FUT9: variants seen among roughly 807,000 people sequenced by gnomAD.
FUT9 encodes the protein 4-galactosyl-N-acetylglucosaminide 3-alpha-L-fucosyltransferase 9.
FUT9 carries 15 observed loss-of-function variants against 29.7 expected under a neutral mutation model. The ratio of observed to expected loss-of-function variants is 0.51; its 90% confidence interval spans 0.34 to 0.78. The LOEUF (loss-of-function observed/expected upper bound fraction) is 0.78. FUT9 is among the 30% of genes least tolerant of loss of function. FUT9 has a pLI of 0.01. For synonymous variants in FUT9, 169 were observed against 153.7 expected (o/e 1.10, Z -0.74); for missense variants, 319 against 425.4 (o/e 0.75, Z 2.20).
chr6:96,205,032 CA>C lies in FUT9; in HGVS notation c.*800del, dbSNP rs1773801831. On this transcript the variant is annotated 3_prime_UTR_variant, in exon 3 of 3. Coordinates refer to ENST00000302103, the MANE Select transcript of FUT9 (RefSeq NM_006581.4). ...GATGACACTCATTGTCATAATAAAACAAATAATTTCCTCAAATAACAAAGAA... is the reference window on the plus strand; with the variant it reads ...GATGACACTCATTGTCATAATAAAACAATAATTTCCTCAAATAACAAAGAA... The C allele has an allele frequency of 1.2e-5, 2 of 165,596 alleles. No homozygotes were observed. 10.3% of individuals were successfully genotyped at this position (165,596 alleles called of 1,614,324 possible). A position where few individuals can be genotyped will look rare whatever the true frequency, so the allele number is the denominator to read the frequency against.
intron 1 of FUT9, among the ~76,000 whole-genome samples, chr6:96,051,010 CTCTGTGTG>C (rs1420045020): frequency 3.4e-5 from 5 of 148,292 alleles, no homozygotes; most frequent in African/African-American, 1.2e-4. Context: ...CTCTCTCTCT[CTCTGTGTG>C]TGTGTGTGTG....
At chr6:96,197,905 A>T (rs1773655560) in intron 2 of FUT9, among the ~76,000 whole-genome samples, 1 of 152,156 alleles carries the variant, frequency 6.6e-6, no homozygotes, top group South Asian at 2.1e-4. Context: ...TTCCATTTAA[A>T]ATAAGGATTC....
At chr6:96,152,223 C>T (rs1772690371) in intron 2 of FUT9, among the ~76,000 whole-genome samples, 1 of 152,206 alleles carries the variant, frequency 6.6e-6, no homozygotes, top group Non-Finnish European at 1.5e-5. Flanking sequence ...TTACCTATTA[C>T]ACGCTGTATA....
At chr6:96,128,044 T>C (rs184594223) in intron 2 of FUT9, among the ~76,000 whole-genome samples, 1 of 152,150 alleles carries the variant, frequency 6.6e-6, no homozygotes, top group East Asian at 1.9e-4. Flanking sequence ...AGATTCCACT[T>C]GTCAATTTTT....
At chr6:96,193,386 G>T (rs1773555903) in intron 2 of FUT9, among the ~76,000 whole-genome samples, 1 of 120,610 alleles carries the variant, frequency 8.3e-6, no homozygotes, top group African/African-American at 2.9e-5. Flanking sequence ...TCAGAAAGTG[G>T]GCGAAGGATG....
intron 1 of FUT9, among the ~76,000 whole-genome samples, chr6:96,104,693 G>A (rs1771646110): frequency 6.6e-6 from 1 of 151,998 alleles, no homozygotes; most frequent in Non-Finnish European, 1.5e-5. Context: ...ATCACGCCCG[G>A]CACATTTTTT....
At chr6:96,086,030 C>T (rs1771311136) in intron 1 of FUT9, among the ~76,000 whole-genome samples, 1 of 152,098 alleles carries the variant, frequency 6.6e-6, no homozygotes, top group Admixed American at 6.6e-5. Context: ...CCACACTAAA[C>T]TAATTTTAAG....
At chr6:96,026,827 A>G (rs2127924371) in intron 1 of FUT9, among the ~76,000 whole-genome samples, 1 of 151,706 alleles carries the variant, frequency 6.6e-6, no homozygotes, top group South Asian at 2.1e-4. Context: ...TATTGGCCTT[A>G]TATATTTATG....
chr6:96,032,270 G>C lies in FUT9; in HGVS notation c.-98+16058G>C, dbSNP rs1770275311. ...TGAGCCTCTTTTTAATGGCTGCTAG[G>C]AAGCTCAGTGTCAACTTTCTATCCC... is the stretch of plus-strand genomic sequence containing the variant. On this transcript the variant is annotated intron_variant, in intron 1 of 2. Transcript: ENST00000302103. Among the ~76,000 whole-genome samples the C allele has an allele frequency of 2.6e-5, 4 of 151,714 alleles. No individual in the cohort carries two copies. The South Asian group carries it at 8.3e-4, about 32-fold the overall frequency.
At chr6:96,137,918 AG>A (rs1166109723) in intron 2 of FUT9, among the ~76,000 whole-genome samples, 1 of 152,090 alleles carries the variant, frequency 6.6e-6, no homozygotes, top group Non-Finnish European at 1.5e-5. Context: ...TTTATTTAAA[AG>A]TTACATATTA....
chr6:96,189,323 C>T (rs1254628807), intron 2 of FUT9, among the ~76,000 whole-genome samples: 1 of 151,694 alleles, frequency 6.6e-6, no homozygotes, highest in Non-Finnish European at 1.5e-5. Flanking sequence ...AAGCTGTGTC[C>T]CCATCATCCA....
chr6:96,175,854 T>C (rs1377270762), intron 2 of FUT9, among the ~76,000 whole-genome samples: 1 of 152,224 alleles, frequency 6.6e-6, no homozygotes, highest in Admixed American at 6.5e-5. Context: ...GCATTGTTTC[T>C]GGGGATGTCT....
chr6:96,024,933 C>G (rs182251730), intron 1 of FUT9, among the ~76,000 whole-genome samples: 2 of 151,848 alleles, frequency 1.3e-5, no homozygotes, highest in East Asian at 3.9e-4. Context: ...GCAGCAAAGT[C>G]CCACTGCAAA....
At chr6:96,180,640 T>C (rs1482707725) in intron 2 of FUT9, among the ~76,000 whole-genome samples, 1 of 152,030 alleles carries the variant, frequency 6.6e-6, no homozygotes, top group East Asian at 1.9e-4. Flanking sequence ...CTCTCCTACC[T>C]CTAGTAACCA....
chr6:96,169,759 T>G (rs140413919), intron 2 of FUT9, among the ~76,000 whole-genome samples: 1 of 152,294 alleles, frequency 6.6e-6, no homozygotes, highest in African/African-American at 2.4e-5. Context: ...TTTCTCTCTT[T>G]TGCTCCTTAA....
At chr6:96,192,344 T>G (rs1451882645) in intron 2 of FUT9, among the ~76,000 whole-genome samples, 2 of 152,148 alleles carry the variant, frequency 1.3e-5, no homozygotes. Context: ...TGATAGCAAC[T>G]TCAGCAAAGT....
At chr6:96,141,782 T>C (rs1365689782) in intron 2 of FUT9, among the ~76,000 whole-genome samples, 1 of 152,250 alleles carries the variant, frequency 6.6e-6, no homozygotes, top group African/African-American at 2.4e-5. Context: ...CAGTCCTTGC[T>C]AGGGCTTATC....
intron 1 of FUT9, among the ~76,000 whole-genome samples, chr6:96,066,880 T>C (rs1385922755): frequency 6.3e-5 from 7 of 110,484 alleles, no homozygotes; most frequent in Non-Finnish European, 1.4e-4. Flanking sequence ...TCCTGGATCT[T>C]GCACACTCAA....
intron 1 of FUT9, among the ~76,000 whole-genome samples, chr6:96,112,351 C>T (rs1451282227): frequency 6.6e-6 from 1 of 152,122 alleles, no homozygotes; most frequent in Non-Finnish European, 1.5e-5. Flanking sequence ...TCTTCATTTA[C>T]AATGTCTTAT....
Sources: gnomAD v4.1 joint callset for allele counts (sites outside exome capture counted in the v4.1 genomes callset) on GRCh38, gnomAD v4.1.1 for gene constraint, MANE v1.5 for transcripts, NCBI Gene and HGNC (gene_info 2026-07-23, HGNC 2026-07-21) for gene names.